Variants in ASPM observed in about 807,000 individuals in gnomAD.
The protein encoded by ASPM is abnormal spindle-like microcephaly-associated protein.
Under a neutral mutation model 366.4 loss-of-function variants are expected in ASPM, and 256 were observed. The observed-to-expected ratio is 0.70, with a 90% CI of 0.63 to 0.77. The LOEUF (loss-of-function observed/expected upper bound fraction) is 0.77, where lower values mean the gene tolerates loss of function less well. Ranked by LOEUF, ASPM falls within the 30% of genes least tolerant of loss-of-function variation. The pLI is 0.00. For missense variants in ASPM, 4,146 were observed against 4,090.4 expected (o/e 1.01, Z -0.37); for synonymous variants, 1,414 against 1,342.9 (o/e 1.05, Z -1.16).
chr1:197,117,634 A>G (rs1045821093), intron 17 of ASPM, among the ~76,000 whole-genome samples, 155 bp downstream of exon 17: 1 of 152,188 alleles, frequency 6.6e-6, no homozygotes, highest in East Asian at 1.9e-4. Context: ...GCTGAACACC[A>G]TAACGAGCTT....
intron 3 of ASPM, 84 bp downstream of exon 3, chr1:197,142,247 G>T: frequency 1.4e-6 from 2 of 1,410,732 alleles, no homozygotes; most frequent in Non-Finnish European, 2.0e-6. Flanking sequence ...TATAATACAA[G>T]CTTATCAATA....
chr1:197,143,899 GTTTT>G (rs1292195222), intron 2 of ASPM, 54 bp downstream of exon 2: 1 of 1,551,068 alleles, frequency 6.4e-7, no homozygotes, highest in Non-Finnish European at 8.8e-7. Flanking sequence ...ATCAAAATAA[GTTTT>G]ATTTATTATT....
At chr1:197,088,550 C>A in intron 25 of ASPM, 118 bp from the exon 26 acceptor site, 1 of 813,308 alleles carries the variant, frequency 1.2e-6, no homozygotes. Flanking sequence ...TTTGGACCAC[C>A]TGCAGCAAGT....
At chr1:197,129,661 T>C (rs1017408287) in intron 8 of ASPM, among the ~76,000 whole-genome samples, 4 of 151,966 alleles carry the variant, frequency 2.6e-5, no homozygotes, top group African/African-American at 9.7e-5. Flanking sequence ...CAGTACCAAA[T>C]TACAACAAAC....
Position 197,142,560 on chromosome 1 carries a change from G to C in ASPM, c.1692C>G (p.Pro564=). The change falls in exon 3 of 28, where the codon CCC becomes CCG. Residue 564 remains proline (P), a synonymous_variant. Coordinates refer to ENST00000367409, the MANE Select transcript of ASPM (RefSeq NM_018136.5). ...GAGCAACTGAAGCTGTTGTCGAAGA[G>C]GGTGTTACCTCGTTTTTATAACTCT... is the stretch of plus-strand genomic sequence containing the variant. ...KSKSYKNEVT[P]SSTTASVARK... 1 of 1,613,966 alleles carries C rather than the reference G, an allele frequency of 6.2e-7. No homozygotes were observed. Among genetic ancestry groups the C allele is most frequent in the Non-Finnish European group, 8.5e-7 (1 of 1,179,850 alleles).
chr1:197,146,533 G>A lies in ASPM; in HGVS notation c.-96C>T. The A allele has an allele frequency of 7.1e-7, 1 of 1,413,000 alleles. No individual in the cohort carries two copies. The highest frequency in any genetic ancestry group is 1.8e-5 in the Admixed American group (1 of 55,292). 87.5% of individuals were successfully genotyped at this position (1,413,000 alleles called of 1,614,324 possible). On this transcript the variant is annotated 5_prime_UTR_variant, in exon 1 of 28. Coordinates refer to ENST00000367409, the MANE Select transcript of ASPM (RefSeq NM_018136.5). ...GACTTACGCTGACCGCTTCCCCTCA[G>A]GGGCGGCTGTAGAGGTCGTGGGAGT...
At chr1:197,122,079 C>T (rs772533576) in intron 15 of ASPM, 36 bp from the exon 16 acceptor site, 10 of 1,604,476 alleles carry the variant, frequency 6.2e-6, no homozygotes. Flanking sequence ...AACAGAATAT[C>T]AACAGAGAAT....
chr1:197,126,719 C>T (rs888711512), intron 10 of ASPM, among the ~76,000 whole-genome samples: 1 of 152,090 alleles, frequency 6.6e-6, no homozygotes, highest in Non-Finnish European at 1.5e-5. Context: ...TGTGAGAATA[C>T]TGATCAGAAA....
intron 4 of ASPM, 121 bp downstream of exon 4, chr1:197,139,646 C>A (rs1658523618): frequency 3.5e-6 from 3 of 859,184 alleles, no homozygotes; most frequent in South Asian, 2.7e-5. Flanking sequence ...TTAATACACA[C>A]TTTAACAATT....
At chr1:197,087,073 CTT>C in intron 26 of ASPM, 101 bp from the exon 27 acceptor site, 3 of 1,046,430 alleles carry the variant, frequency 2.9e-6, no homozygotes, top group Non-Finnish European at 4.0e-6. Flanking sequence ...TGCAGTAAAC[CTT>C]TTTTTTTTCT....
chr1:197,128,895 C>T (rs1658175851), intron 9 of ASPM, among the ~76,000 whole-genome samples: 1 of 151,902 alleles, frequency 6.6e-6, no homozygotes, highest in Non-Finnish European at 1.5e-5. Flanking sequence ...TATACTACAT[C>T]AAAATTAGGG....
In ASPM at chr1:197,101,404, T is replaced by A; in HGVS notation, c.7847A>T (p.Asn2616Ile). The A allele has an allele frequency of 1.2e-6, 2 of 1,608,470 alleles. No homozygotes were observed. Among genetic ancestry groups the A allele is most frequent in the Non-Finnish European group, 1.7e-6 (2 of 1,178,926 alleles). ...TCVQAGFQDMNIKKQIQEQHQ... is the reference protein window; with the variant it reads ...TCVQAGFQDMIIKKQIQEQHQ... Reference sequence around the variant, plus strand: ...CTGTTCCTGAATCTGTTTTTTTATGTTCATGTCCTGAAAACCTGCCTGAAC... The same window carrying A: ...CTGTTCCTGAATCTGTTTTTTTATGATCATGTCCTGAAAACCTGCCTGAAC... Residue 2616 changes from asparagine to isoleucine, a missense_variant, in exon 18 of 28, where the codon AAC (asparagine) becomes ATC (isoleucine). By Grantham distance (149) the Asn-to-Ile change is moderately radical. Coordinates refer to ENST00000367409, the MANE Select transcript of ASPM (RefSeq NM_018136.5).
intron 17 of ASPM, among the ~76,000 whole-genome samples, chr1:197,110,601 G>A (rs1657551407): frequency 2.6e-5 from 4 of 151,978 alleles, no homozygotes; most frequent in Non-Finnish European, 4.4e-5. Flanking sequence ...CAGATTGGGA[G>A]AAATTGTGTG....
chr1:197,122,704 C>T (rs1416554531), intron 13 of ASPM, 109 bp from the exon 14 acceptor site: 7 of 1,094,702 alleles, frequency 6.4e-6, no homozygotes, highest in Non-Finnish European at 9.5e-6. Flanking sequence ...AGTGACAAAT[C>T]TACAAGGCAA....
In ASPM at chr1:197,146,195, G is replaced by T; in HGVS notation, c.243C>A (p.His81Gln). Residue 81 changes from histidine (H) to glutamine (Q), a missense_variant, in exon 1 of 28, where the codon CAC (histidine) becomes CAA (glutamine). This residue lies in a region of ASPM where 512 missense variants were observed against 471.7 expected (regional missense o/e 1.09). Transcript: ENST00000367409. ...NEEVAEVKIS[H>Q]FPAADLGFSV... is the part of the protein sequence containing the mutation. ...TGAAGCCCAGGTCCGCGGCCGGGAAGTGGGAGATCTTCACTTCTGCCACCT... is the reference window on the plus strand; with the variant it reads ...TGAAGCCCAGGTCCGCGGCCGGGAATTGGGAGATCTTCACTTCTGCCACCT... The T allele has an allele frequency of 6.2e-7, 1 of 1,613,942 alleles. No individual in the cohort carries two copies.
At chr1:197,113,713 C>T (rs930578131) in intron 17 of ASPM, among the ~76,000 whole-genome samples, 2 of 152,064 alleles carry the variant, frequency 1.3e-5, no homozygotes, top group Admixed American at 1.3e-4. Flanking sequence ...TGGGAGAAGA[C>T]ACAACACACA....
rs576658221 is a variant in ASPM, at chr1:197,090,732, T to C, written c.9636+118A>G. The C allele has an allele frequency of 2.5e-5, 23 of 929,682 alleles. No homozygotes were observed. In the African/African-American group the frequency reaches 2.8e-4, roughly 11 times the overall value. The allele number at this position is 929,682 out of a possible 1,614,324, so 57.6% of individuals were successfully genotyped here. ...ATGGTAGTATAGTGCTTATGAGTTA[T>C]TCTACCGGCTAATGCGTTAGCTTTT... On this transcript the variant is annotated intron_variant, in intron 23 of 27. Transcript: ENST00000367409.
chr1:197,100,092 T>C (rs1657103975), intron 18 of ASPM, among the ~76,000 whole-genome samples: 1 of 151,714 alleles, frequency 6.6e-6, no homozygotes, highest in Admixed American at 6.6e-5. Flanking sequence ...TGCCAAATAA[T>C]ACTTTATCTT....
intron 1 of ASPM, among the ~76,000 whole-genome samples, chr1:197,144,547 G>A (rs922051071): frequency 2.6e-5 from 4 of 152,160 alleles, no homozygotes; most frequent in African/African-American, 9.7e-5. Context: ...TCATCATACT[G>A]AGATTTCTTA....
Sources: allele counts gnomAD v4.1 joint callset (sites outside exome capture counted in the v4.1 genomes callset), GRCh38; gene constraint gnomAD v4.1.1; regional missense constraint gnomAD v4.1.1; transcripts MANE v1.5; gene names NCBI Gene and HGNC (gene_info 2026-07-23, HGNC 2026-07-21).